Variants in RUNDC3B observed in about 807,000 individuals in gnomAD.
RUNDC3B encodes RUN domain containing 3B.
Under a neutral mutation model 58.4 loss-of-function variants are expected in RUNDC3B, and 33 were observed. The ratio of observed to expected loss-of-function variants is 0.56; its 90% CI spans 0.43 to 0.75. The LOEUF (loss-of-function observed/expected upper bound fraction) is 0.75. RUNDC3B is among the 30% of genes least tolerant of loss of function. The probability of loss-of-function intolerance (pLI) is 0.00; values close to 1 mark genes in which losing one functional copy is unlikely to be tolerated. For missense variants in RUNDC3B, 501 were observed against 535.7 expected (o/e 0.94, Z 0.64); for synonymous variants, 193 against 195.2 (o/e 0.99, Z 0.10).
At chr7:87,652,359 C>CA (rs1823660257) in intron 2 of RUNDC3B, among the ~76,000 whole-genome samples, 1 of 152,026 alleles carries the variant, frequency 6.6e-6, no homozygotes, top group African/African-American at 2.4e-5. Context: ...GCCTCCTGCG[C>CA]ACTAATCTGC....
intron 1 of RUNDC3B, among the ~76,000 whole-genome samples, chr7:87,640,859 G>T (rs1340307180): frequency 6.6e-6 from 1 of 152,058 alleles, no homozygotes; most frequent in East Asian, 1.9e-4. Context: ...GGTAGTTCCA[G>T]AATTTTTATT....
chr7:87,743,576 C>T lies in RUNDC3B; in HGVS notation c.629+1997C>T, dbSNP rs537543488. On this transcript the variant is annotated intron_variant, in intron 6 of 10. Coordinates refer to ENST00000394654, the MANE Select transcript of RUNDC3B (RefSeq NM_001134405.2). ...ATTTTGCTGATCATTAGTGATGTTGCGCATTTTCATATGTTTGTTGCCATT... is the reference window on the plus strand; with the variant it reads ...ATTTTGCTGATCATTAGTGATGTTGTGCATTTTCATATGTTTGTTGCCATT... 1.8e-4 allele frequency among the ~76,000 whole-genome samples: 27 copies of T among 152,068 alleles called. No homozygotes were observed. In the East Asian group the frequency reaches 2.3e-3, roughly 13 times the overall value.
chr7:87,790,385 T>A (rs1835459982), intron 8 of RUNDC3B, among the ~76,000 whole-genome samples: 1 of 152,104 alleles, frequency 6.6e-6, no homozygotes, highest in African/African-American at 2.4e-5. Context: ...CACAAACATG[T>A]CCAGACTGCA....
At chr7:87,759,554 T>G (rs779189926) in intron 6 of RUNDC3B, among the ~76,000 whole-genome samples, 6 of 152,110 alleles carry the variant, frequency 3.9e-5, no homozygotes, top group Non-Finnish European at 8.8e-5. Flanking sequence ...CCCAGTACTT[T>G]GGGAGTCTGA....
At chr7:87,667,783 A>G (rs906828469) in intron 2 of RUNDC3B, among the ~76,000 whole-genome samples, 1 of 152,110 alleles carries the variant, frequency 6.6e-6, no homozygotes, top group Non-Finnish European at 1.5e-5. Flanking sequence ...GTGATGAATC[A>G]TGTTTATTGA....
rs577972717 is a variant in RUNDC3B, at chr7:87,820,620, A to G, written c.1225+4358A>G. Among the ~76,000 whole-genome samples the G allele has an allele frequency of 3.8e-3, 572 of 152,346 alleles. 6 individuals carry two copies. The highest frequency in any genetic ancestry group is 0.013 in the African/African-American group (545 of 41,576). On this transcript the variant is annotated intron_variant, in intron 10 of 10. Transcript: ENST00000394654. The stretch of plus-strand genomic sequence containing the variant: ...TTCTAGACCAATATCCTTGATGAAC[A>G]TTGATGCAAAAATCCTCAATAAAAT...
In RUNDC3B at chr7:87,629,133, C is replaced by G. The variant is rs778920132; in HGVS notation, c.122+188C>G. 9.3e-5 allele frequency: 43 copies of G among 462,214 alleles called. No individual in the cohort carries two copies. In the South Asian group the frequency reaches 1.5e-3, roughly 16 times the overall value. The allele number at this position is 462,214 out of a possible 1,614,324, so 28.6% of individuals were successfully genotyped here. A position where few individuals can be genotyped will look rare whatever the true frequency, so the allele number is the denominator to read the frequency against. ...GCCCGGGTCTGGACACCGTCGCAGC[C>G]CTGGACTTTGTGTCAGTTCCAGTGC... On this transcript the variant is annotated intron_variant, in intron 1 of 10. Coordinates refer to ENST00000394654, the MANE Select transcript of RUNDC3B (RefSeq NM_001134405.2).
At chr7:87,691,129 G>A (rs1241574578) in intron 2 of RUNDC3B, among the ~76,000 whole-genome samples, 1 of 152,058 alleles carries the variant, frequency 6.6e-6, no homozygotes, top group East Asian at 1.9e-4. Flanking sequence ...TCATGAATTA[G>A]AAACATATTC....
At chr7:87,663,338 T>C (rs1310615994) in intron 2 of RUNDC3B, among the ~76,000 whole-genome samples, 1 of 152,140 alleles carries the variant, frequency 6.6e-6, no homozygotes, top group Non-Finnish European at 1.5e-5. Context: ...ATTGACGCTA[T>C]TAACTAACCA....
intron 3 of RUNDC3B, among the ~76,000 whole-genome samples, chr7:87,700,803 T>C (rs532361614): frequency 7.9e-5 from 12 of 152,324 alleles, no homozygotes; most frequent in Admixed American, 2.6e-4. Flanking sequence ...AAAATATTTT[T>C]ATATAATATC....
chr7:87,754,276 ACT>A (rs1833220595), intron 6 of RUNDC3B, among the ~76,000 whole-genome samples: 1 of 152,178 alleles, frequency 6.6e-6, no homozygotes, highest in African/African-American at 2.4e-5. Context: ...AGAAGTCAAG[ACT>A]CTGAAAATCA....
chr7:87,749,375 G>A (rs1832831332), intron 6 of RUNDC3B, among the ~76,000 whole-genome samples: 1 of 152,024 alleles, frequency 6.6e-6, no homozygotes, highest in Non-Finnish European at 1.5e-5. Flanking sequence ...ACAACTTTGT[G>A]ATGCACTAAT....
chr7:87,792,854 A>G (rs1429227168), intron 8 of RUNDC3B, among the ~76,000 whole-genome samples: 1 of 152,070 alleles, frequency 6.6e-6, no homozygotes, highest in African/African-American at 2.4e-5. Flanking sequence ...AATAAAGTGC[A>G]GAATAAATGA....
At chr7:87,647,974 A>G (rs183750265) in intron 1 of RUNDC3B, among the ~76,000 whole-genome samples, 1 of 152,108 alleles carries the variant, frequency 6.6e-6, no homozygotes, top group Non-Finnish European at 1.5e-5. Context: ...CATGAGGTCA[A>G]GAAATCGAGA....
chr7:87,721,048 AG>A lies in RUNDC3B; in HGVS notation c.458+10395del, dbSNP rs377049271. ...TAAAATTAGCTAAATGTCAAAACAAAGGAGATTGACTAAATCAGAAATGTAT... is the reference window on the plus strand; with the variant it reads ...TAAAATTAGCTAAATGTCAAAACAAAGAGATTGACTAAATCAGAAATGTAT... On this transcript the variant is annotated intron_variant, in intron 4 of 10. Transcript: ENST00000394654. 2.6e-4 allele frequency among the ~76,000 whole-genome samples: 39 copies of A among 151,192 alleles called. No individual in the cohort carries two copies. The East Asian group carries it at 6.2e-3, about 24-fold the overall frequency.
At chr7:87,691,504 G>A (rs1310422666) in intron 2 of RUNDC3B, among the ~76,000 whole-genome samples, 1 of 151,964 alleles carries the variant, frequency 6.6e-6, no homozygotes, top group Non-Finnish European at 1.5e-5. Flanking sequence ...GTTAAATACT[G>A]TTTCACTTTC....
At position 87,806,773 on chromosome 7, in the gene RUNDC3B, C is replaced by A. The variant is rs117831639; in HGVS notation, c.957-600C>A. ...TCAGTGTAGTTGTCATTGATTTAATCATTTTCATGAAGATTTATCAGTAGT... is the reference window on the plus strand; with the variant it reads ...TCAGTGTAGTTGTCATTGATTTAATAATTTTCATGAAGATTTATCAGTAGT... On this transcript the variant is annotated intron_variant, in intron 8 of 10. Coordinates refer to ENST00000394654, the MANE Select transcript of RUNDC3B (RefSeq NM_001134405.2). Among the ~76,000 whole-genome samples, 35 of 152,182 alleles carry A rather than the reference C, an allele frequency of 2.3e-4. No homozygotes were observed. The East Asian group carries it at 6.6e-3, about 29-fold the overall frequency.
intron 4 of RUNDC3B, among the ~76,000 whole-genome samples, chr7:87,731,159 C>T (rs1831554219): frequency 6.6e-6 from 1 of 151,914 alleles, no homozygotes; most frequent in South Asian, 2.1e-4. Context: ...TCTAACTCTT[C>T]AATGCCAAGA....
intron 3 of RUNDC3B, among the ~76,000 whole-genome samples, chr7:87,703,727 A>G (rs983217585): frequency 6.6e-6 from 1 of 151,702 alleles, no homozygotes; most frequent in Non-Finnish European, 1.5e-5. Context: ...ATATTAACAG[A>G]TGTCTTTTTT....
Sources: gnomAD v4.1 joint callset for allele counts (sites outside exome capture counted in the v4.1 genomes callset) on GRCh38, gnomAD v4.1.1 for gene constraint, MANE v1.5 for transcripts, NCBI Gene and HGNC (gene_info 2026-07-23, HGNC 2026-07-21) for gene names.